The following LARGE1 variants were observed in gnomAD, a reference collection of about 807,000 sequenced individuals.
LARGE1 encodes the protein LARGE xylosyl- and glucuronyltransferase 1, also known as xylosyl- and glucuronyltransferase LARGE1.
LARGE1 carries 43 observed loss-of-function variants against 87.6 expected under a neutral mutation model. The observed-to-expected ratio is 0.49, with a 90% CI of 0.38 to 0.63. The LOEUF (loss-of-function observed/expected upper bound fraction) is 0.63. Among genes scored for constraint, LARGE1 ranks in the 30% least tolerant of loss-of-function variants. The probability of loss-of-function intolerance (pLI) is 0.00; values close to 1 mark genes in which losing one functional copy is unlikely to be tolerated. For synonymous variants in LARGE1, 434 were observed against 394.6 expected (o/e 1.10, Z -1.18); for missense variants, 802 against 1,000.2 (o/e 0.80, Z 2.67).
At chr22:33,427,009 T>C (rs1212069944) in intron 7 of LARGE1, among the ~76,000 whole-genome samples, 1 of 152,228 alleles carries the variant, frequency 6.6e-6, no homozygotes, top group Non-Finnish European at 1.5e-5. Flanking sequence ...TCCCCTGCTA[T>C]GTTTAGCCCT....
At chr22:33,877,750 G>A (rs923621820) in intron 1 of LARGE1, among the ~76,000 whole-genome samples, 3 of 151,728 alleles carry the variant, frequency 2.0e-5, no homozygotes, top group African/African-American at 4.8e-5. Context: ...TGGTGAAACC[G>A]TGTCTCTACA....
the LARGE1 span, among the ~76,000 whole-genome samples, chr22:33,097,748 G>A: frequency 6.6e-6 from 1 of 152,174 alleles, no homozygotes; most frequent in Non-Finnish European, 1.5e-5. Context: ...AGAGGAAAGT[G>A]GTTGTACTTT....
chr22:33,781,617 C>A (rs2085423196), intron 1 of LARGE1, among the ~76,000 whole-genome samples: 1 of 152,202 alleles, frequency 6.6e-6, no homozygotes, highest in South Asian at 2.1e-4. Context: ...TCACTTAGGA[C>A]AATTCACTGA....
At chr22:33,708,713 G>A (rs2082636205) in intron 2 of LARGE1, among the ~76,000 whole-genome samples, 1 of 152,184 alleles carries the variant, frequency 6.6e-6, no homozygotes, top group African/African-American at 2.4e-5. Context: ...CGATTCTCCT[G>A]CCGCAGCCTC....
rs578115819 is a variant in LARGE1 at position 33,187,921 on chromosome 22, CAAAAAAAAAAAAA to C, written c.1731-21102_1731-21090del. Among the ~76,000 whole-genome samples the C allele has an allele frequency of 6.5e-4, 24 of 36,906 alleles. 1 individual carries two copies. The highest frequency in any genetic ancestry group is 3.2e-3 in the Admixed American group (7 of 2,220). 24.2% of individuals were successfully genotyped at this position (36,906 alleles called of 152,430 possible). A position where few individuals can be genotyped will look rare whatever the true frequency, so the allele number is the denominator to read the frequency against. On this transcript the variant is annotated intron_variant, in intron 11 of 11. Transcript: ENST00000608642. ...TGGGCAACAGAGTGAGACTCCGTCT[CAAAAAAAAAAAAA>C]AAAAAAAAAAAAAAAAAAAAAAAAA...
At chr22:33,547,090 T>C (rs2077380703) in intron 6 of LARGE1, among the ~76,000 whole-genome samples, 1 of 152,180 alleles carries the variant, frequency 6.6e-6, no homozygotes, top group Non-Finnish European at 1.5e-5. Context: ...ACTGAACTGT[T>C]ATATGCCAGG....
At chr22:33,268,367 G>A (rs977404258), downstream of LARGE1, among the ~76,000 whole-genome samples, 4 of 150,370 alleles carry the variant, frequency 2.7e-5, no homozygotes, top group Non-Finnish European at 4.4e-5. Context: ...TAATAAACAC[G>A]CATTCTAACA....
At chr22:33,469,700 C>T (rs1363881007) in intron 6 of LARGE1, among the ~76,000 whole-genome samples, 1 of 151,660 alleles carries the variant, frequency 6.6e-6, no homozygotes, top group Admixed American at 6.6e-5. Context: ...TGGGGGCATG[C>T]ACCTGTAATT....
chr22:33,571,981 G>A (rs1469921362), intron 5 of LARGE1, among the ~76,000 whole-genome samples: 3 of 152,134 alleles, frequency 2.0e-5, no homozygotes, highest in South Asian at 2.1e-4. Context: ...CTTTAGAGCT[G>A]GGCATTCCTG....
intron 11 of LARGE1, among the ~76,000 whole-genome samples, chr22:33,200,377 C>T (rs1053735140): frequency 3.9e-5 from 6 of 152,140 alleles, no homozygotes; most frequent in South Asian, 2.1e-4. Context: ...TCAAAACCCT[C>T]GTACGTCGCT....
intron 11 of LARGE1, among the ~76,000 whole-genome samples, chr22:33,227,469 T>C (rs1925798805): frequency 6.6e-6 from 1 of 152,192 alleles, no homozygotes; most frequent in Admixed American, 6.5e-5. Flanking sequence ...AGTTACATTA[T>C]CTAAATTAGT....
intron 1 of LARGE1, among the ~76,000 whole-genome samples, chr22:33,762,126 A>G (rs928806125): frequency 6.6e-6 from 1 of 150,546 alleles, no homozygotes; most frequent in Admixed American, 6.6e-5. Flanking sequence ...AGGCATGAGA[A>G]TAACTTGAAC....
rs2066348624 is a variant in LARGE1, at chr22:33,412,681, G to A, written c.892+19480C>T. 1.3e-5 allele frequency among the ~76,000 whole-genome samples: 2 copies of A among 152,106 alleles called. 1 individual carries two copies. The highest frequency in any genetic ancestry group is 4.1e-4 in the South Asian group (2 of 4,820). On this transcript the variant is annotated intron_variant, in intron 7 of 14. Coordinates refer to ENST00000397394, the MANE Select transcript of LARGE1 (RefSeq NM_133642.5). ...ATTTTATGTATTTATTTATTTTTGA[G>A]ATGGAGTCTTGCTGTGTCGCCCAGG... is the stretch of plus-strand genomic sequence containing the variant.
chr22:33,231,425 T>G (rs1011615150), intron 11 of LARGE1, among the ~76,000 whole-genome samples: 8 of 152,234 alleles, frequency 5.3e-5, no homozygotes, highest in Non-Finnish European at 1.2e-4. Flanking sequence ...ACACATTTCA[T>G]AGGGCACTTG....
intron 6 of LARGE1, among the ~76,000 whole-genome samples, chr22:33,488,026 T>C (rs1015283445): frequency 6.6e-6 from 1 of 152,200 alleles, no homozygotes; most frequent in Non-Finnish European, 1.5e-5. Flanking sequence ...GGGAGGAATT[T>C]TGCCATTTGT....
At chr22:33,746,979 T>G (rs906486037) in intron 2 of LARGE1, among the ~76,000 whole-genome samples, 8 of 152,100 alleles carry the variant, frequency 5.3e-5, no homozygotes, top group African/African-American at 1.7e-4. Flanking sequence ...CCCCATTTAG[T>G]AGATCTAGGG....
At chr22:33,745,685 T>C (rs1313358596) in intron 2 of LARGE1, among the ~76,000 whole-genome samples, 1 of 152,108 alleles carries the variant, frequency 6.6e-6, no homozygotes, top group Non-Finnish European at 1.5e-5. Context: ...TAATCTGCCC[T>C]GAAAGGCTGG....
intron 2 of LARGE1, among the ~76,000 whole-genome samples, chr22:33,683,197 T>C (rs2081835049): frequency 6.6e-6 from 1 of 152,186 alleles, no homozygotes. Context: ...AGATTAACAT[T>C]TGATTTGGTA....
At chr22:33,111,162 C>T in the LARGE1 span, among the ~76,000 whole-genome samples, 1 of 152,110 alleles carries the variant, frequency 6.6e-6, no homozygotes, top group African/African-American at 2.4e-5. Flanking sequence ...TCCCTAATTT[C>T]CCCAAGTGAA....
Sources: gnomAD v4.1 joint callset for allele counts (sites outside exome capture counted in the v4.1 genomes callset) on GRCh38, gnomAD v4.1.1 for gene constraint, MANE v1.5 for transcripts, NCBI Gene and HGNC (gene_info 2026-07-23, HGNC 2026-07-21) for gene names.